BACH2: variants seen among roughly 807,000 people sequenced by gnomAD.
The protein encoded by BACH2 is transcription regulator protein BACH2.
A neutral mutation model predicts 61.8 loss-of-function variants in BACH2; 5 were observed. The observed-to-expected ratio is 0.08, with a 90% confidence interval of 0.04 to 0.17. The LOEUF is 0.17. Among genes scored for constraint, BACH2 ranks in the 10% least tolerant of loss-of-function variants. BACH2 has a pLI of 1.00. For synonymous variants in BACH2, 446 were observed against 440.1 expected (o/e 1.01, Z -0.17); for missense variants, 824 against 1,091.1 (o/e 0.76, Z 3.45).
intron 4 of BACH2, among the ~76,000 whole-genome samples, chr6:90,140,363 T>G (rs1784421901): frequency 6.6e-6 from 1 of 152,116 alleles, no homozygotes; most frequent in Non-Finnish European, 1.5e-5. Context: ...GCAAGCTTCC[T>G]TATCTTCTGA....
intron 4 of BACH2, among the ~76,000 whole-genome samples, chr6:90,132,598 T>C (rs1212085973): frequency 6.6e-6 from 1 of 152,192 alleles, no homozygotes; most frequent in Non-Finnish European, 1.5e-5. Flanking sequence ...GTCATCATTT[T>C]TGTGCAGGTT....
chr6:90,136,861 C>A (rs1784288066), intron 4 of BACH2, among the ~76,000 whole-genome samples: 1 of 149,550 alleles, frequency 6.7e-6, no homozygotes, highest in African/African-American at 2.5e-5. Context: ...TTTTTAAATC[C>A]TACAAAGAAA....
chr6:89,937,013 T>C (rs1773067160), intron 8 of BACH2, among the ~76,000 whole-genome samples: 1 of 151,924 alleles, frequency 6.6e-6, no homozygotes, highest in African/African-American at 2.4e-5. Context: ...AAAGCTACAG[T>C]CAGGAGCCAG....
At chr6:90,034,632 A>G (rs999782765) in intron 5 of BACH2, among the ~76,000 whole-genome samples, 3 of 152,194 alleles carry the variant, frequency 2.0e-5, no homozygotes, top group African/African-American at 7.2e-5. Flanking sequence ...AAAGATAATT[A>G]TGCAGTGCCA....
intron 3 of BACH2, among the ~76,000 whole-genome samples, chr6:90,226,305 A>G (rs1249116906): frequency 1.3e-5 from 2 of 152,212 alleles, no homozygotes; most frequent in Non-Finnish European, 2.9e-5. Context: ...GTTGAGTGGA[A>G]GCACTGCATG....
chr6:90,025,201 A>G (rs973761970), intron 5 of BACH2, among the ~76,000 whole-genome samples: 1 of 152,134 alleles, frequency 6.6e-6, no homozygotes, highest in African/African-American at 2.4e-5. Context: ...GGGTGTGTGG[A>G]CCAGGGAGAA....
At chr6:90,030,760 A>G (rs1778931405) in intron 5 of BACH2, among the ~76,000 whole-genome samples, 1 of 152,000 alleles carries the variant, frequency 6.6e-6, no homozygotes, top group South Asian at 2.1e-4. Flanking sequence ...TTCACAGCCG[A>G]ATTCTACCAG....
chr6:90,062,601 C>T (rs1562412953), intron 5 of BACH2, among the ~76,000 whole-genome samples: 1 of 152,304 alleles, frequency 6.6e-6, no homozygotes, highest in East Asian at 1.9e-4. Flanking sequence ...TACAGCTGAA[C>T]TGTAATTTTC....
chr6:90,236,661 G>A (rs544937194), intron 3 of BACH2, among the ~76,000 whole-genome samples: 2 of 152,160 alleles, frequency 1.3e-5, no homozygotes, highest in Non-Finnish European at 2.9e-5. Context: ...TTGTCCAGAA[G>A]AGAAATGGTA....
At position 89,927,375 on chromosome 6, in the gene BACH2, C is replaced by T. The variant is rs1311817271; in HGVS notation, c.*5033G>A. On this transcript the variant is annotated 3_prime_UTR_variant, in exon 9 of 9. Coordinates refer to ENST00000257749, the MANE Select transcript of BACH2 (RefSeq NM_021813.4). ...ATGTTTTGGTAGAAGACTGAGCATC[C>T]ATCTGTAGGAAAACCCCTCTTTGTC... 6.5e-6 allele frequency: 1 copy of T among 152,798 alleles called. No individual in the cohort carries two copies. Among genetic ancestry groups the T allele is most frequent in the African/African-American group, 2.4e-5 (1 of 41,462 alleles). 9.5% of individuals were successfully genotyped at this position (152,798 alleles called of 1,614,324 possible).
At chr6:90,171,623 T>G (rs1562486122) in intron 4 of BACH2, among the ~76,000 whole-genome samples, 1 of 152,062 alleles carries the variant, frequency 6.6e-6, no homozygotes. Flanking sequence ...TTCCAAGTAA[T>G]TAAGTTCACA....
At chr6:89,937,680 C>A (rs1348319313) in intron 8 of BACH2, among the ~76,000 whole-genome samples, 1 of 152,144 alleles carries the variant, frequency 6.6e-6, no homozygotes, top group Non-Finnish European at 1.5e-5. Flanking sequence ...CAGGCACGTG[C>A]TGCCATGCCC....
At chr6:90,166,973 G>A (rs1423599451) in intron 4 of BACH2, among the ~76,000 whole-genome samples, 3 of 152,010 alleles carry the variant, frequency 2.0e-5, no homozygotes, top group Non-Finnish European at 4.4e-5. Context: ...GAGTTACTGG[G>A]TGCAGCGCAC....
intron 1 of BACH2, among the ~76,000 whole-genome samples, chr6:90,295,371 C>T (rs1772310232): frequency 6.6e-6 from 1 of 152,216 alleles, no homozygotes; most frequent in South Asian, 2.1e-4. Context: ...CACTCACTCC[C>T]GGCCCTGCAC....
intron 4 of BACH2, among the ~76,000 whole-genome samples, chr6:90,135,145 T>A (rs746811150): frequency 1.3e-5 from 2 of 152,230 alleles, no homozygotes; most frequent in Non-Finnish European, 2.9e-5. Flanking sequence ...GAGGCAGCCT[T>A]GTCCTCCTTC....
At chr6:90,024,258 G>A (rs1397537627) in intron 5 of BACH2, among the ~76,000 whole-genome samples, 1 of 152,036 alleles carries the variant, frequency 6.6e-6, no homozygotes, top group African/African-American at 2.4e-5. Flanking sequence ...CCTAGGGTGC[G>A]CTTTGGGCTT....
At chr6:90,048,985 G>A (rs183255974) in intron 5 of BACH2, among the ~76,000 whole-genome samples, 1 of 152,186 alleles carries the variant, frequency 6.6e-6, no homozygotes, top group Non-Finnish European at 1.5e-5. Context: ...TTGTGTTAAT[G>A]TAAGCAAAAT....
At chr6:90,156,763 C>A (rs1342149412) in intron 4 of BACH2, among the ~76,000 whole-genome samples, 2 of 152,006 alleles carry the variant, frequency 1.3e-5, no homozygotes, top group Admixed American at 6.5e-5. Flanking sequence ...ACAACAACAA[C>A]AAAAATGCTA....
intron 2 of BACH2, 116 bp from the exon 3 acceptor site, chr6:90,252,706 C>G (rs1027216479): frequency 6.6e-6 from 1 of 152,076 alleles, no homozygotes; most frequent in African/African-American, 2.4e-5. Context: ...AAACACAACA[C>G]CAGGGATGCC....
Sources: gnomAD v4.1 joint callset for allele counts (sites outside exome capture counted in the v4.1 genomes callset) on GRCh38, gnomAD v4.1.1 for gene constraint, MANE v1.5 for transcripts, NCBI Gene and HGNC (gene_info 2026-07-23, HGNC 2026-07-21) for gene names.